Variants in AR observed in about 807,000 individuals in gnomAD.
AR encodes the protein dihydrotestosterone receptor.
AR carries 8 observed loss-of-function variants against 53.9 expected under a neutral mutation model. The ratio of observed to expected loss-of-function variants is 0.15; its 90% CI spans 0.09 to 0.27. AR has a LOEUF of 0.27. Ranked by LOEUF, AR falls within the 10% of genes least tolerant of loss-of-function variation. AR has a pLI of 1.00. For missense variants in AR, 639 were observed against 742.5 expected (o/e 0.86, Z 1.62); for synonymous variants, 359 against 316.4 (o/e 1.13, Z -1.43).
In AR at chrX:67,566,333, C is replaced by T. The variant is rs943785892; in HGVS notation, c.1616+19571C>T. Among the ~76,000 whole-genome samples, 4 of 111,831 alleles carry T rather than the reference C, an allele frequency of 3.6e-5. No individual in the cohort carries two copies. The Admixed American group carries it at 3.8e-4, about 11-fold the overall frequency. On this transcript the variant is annotated intron_variant, in intron 1 of 7. Coordinates refer to ENST00000374690, the MANE Select transcript of AR (RefSeq NM_000044.6). ...TCTCACAGACTGGGGACTGACATCT[C>T]AGTAGTAAACATATGAACAGCAACT...
Position 67,545,316 on chromosome X carries a change from T to TGCAGGAGCAGCA in AR, c.174_175insGAGCAGCAGCAG (p.Gln58_Gln59insGluGlnGlnGln). 1 of 1,014,029 alleles carries TGCAGGAGCAGCA rather than the reference T, an allele frequency of 9.9e-7. No homozygotes were observed. The highest frequency in any genetic ancestry group is 1.3e-6 in the Non-Finnish European group (1 of 758,062). The allele number at this position is 1,014,029 out of a possible 1,213,427, so 83.6% of individuals were successfully genotyped here. A position where few individuals can be genotyped will look rare whatever the true frequency, so the allele number is the denominator to read the frequency against. On this transcript the variant is annotated inframe_insertion, in exon 1 of 8. Coordinates refer to ENST00000374690, the MANE Select transcript of AR (RefSeq NM_000044.6). Reference sequence around the variant, plus strand: ...CCTCCCGGCGCCAGTTTGCTGCTGCTGCAGCAGCAGCAGCAGCAGCAGCAG... The same window carrying TGCAGGAGCAGCA: ...CCTCCCGGCGCCAGTTTGCTGCTGCTGCAGGAGCAGCAGCAGCAGCAGCAGCAGCAGCAGCAG...
intron 3 of AR, chrX:67,689,784 A>T: frequency 1.3e-6 from 1 of 766,166 alleles, no homozygotes. Flanking sequence ...AAAAGTCCAA[A>T]TGAGGACCTT....
chrX:67,694,991 T>G (rs1424215042), intron 3 of AR: 1 of 919,270 alleles, frequency 1.1e-6, no homozygotes, highest in Non-Finnish European at 1.3e-6. Context: ...GATTATTGTT[T>G]CCTGTAATGT....
At chrX:67,654,785 G>T (rs751126041) in intron 2 of AR, among the ~76,000 whole-genome samples, 2 of 103,325 alleles carry the variant, frequency 1.9e-5, no homozygotes, top group Admixed American at 2.2e-4. Context: ...AATTTTTAAA[G>T]CTCCTTTTCC....
At chrX:67,665,005 G>A (rs1189463517) in intron 2 of AR, among the ~76,000 whole-genome samples, 2 of 112,779 alleles carry the variant, frequency 1.8e-5, no homozygotes, top group South Asian at 3.7e-4. Flanking sequence ...TTTTCCAGGT[G>A]CCATCTGTCA....
chrX:67,598,926 G>C, intron 1 of AR, among the ~76,000 whole-genome samples: 1 of 111,234 alleles, frequency 9.0e-6, no homozygotes, highest in Non-Finnish European at 1.9e-5. Context: ...TCCTGAGGGA[G>C]CTATCTAGAT....
intron 1 of AR, among the ~76,000 whole-genome samples, chrX:67,591,338 G>GA (rs909654063): frequency 6.5e-5 from 7 of 107,477 alleles, no homozygotes; most frequent in African/African-American, 1.0e-4. Context: ...AAAAAGAAGT[G>GA]AAAAAAAAAG....
At chrX:67,577,004 CT>C (rs35442632) in intron 1 of AR, among the ~76,000 whole-genome samples, 1,554 of 90,756 alleles carry the variant, frequency 0.017, 29 homozygotes, top group African/African-American at 0.052. Context: ...CTCTCTCTCT[CT>C]TTTTTTTTTT....
chrX:67,634,603 A>G (rs1351107900), intron 1 of AR, among the ~76,000 whole-genome samples: 2 of 111,771 alleles, frequency 1.8e-5, no homozygotes, highest in South Asian at 3.8e-4. Flanking sequence ...TATGAACTAA[A>G]TTTCGGTAAT....
intron 1 of AR, among the ~76,000 whole-genome samples, chrX:67,623,725 C>G (rs1490497701): frequency 1.8e-5 from 2 of 110,036 alleles, no homozygotes; most frequent in Non-Finnish European, 3.8e-5. Flanking sequence ...ATCAACAAAA[C>G]TGAAAAAAAC....
chrX:67,664,851 A>T (rs765448930), intron 2 of AR, among the ~76,000 whole-genome samples: 58 of 112,402 alleles, frequency 5.2e-4, no homozygotes, highest in East Asian at 1.1e-3. Flanking sequence ...GCTGCCTTGC[A>T]GTTTGGTCTC....
intron 2 of AR, among the ~76,000 whole-genome samples, chrX:67,674,990 G>A (rs1200062371): frequency 9.0e-6 from 1 of 110,752 alleles, no homozygotes; most frequent in African/African-American, 3.3e-5. Flanking sequence ...AGGGCCCAAG[G>A]GCTCTTTAGT....
intron 1 of AR, among the ~76,000 whole-genome samples, chrX:67,616,802 A>G (rs1323147510): frequency 9.0e-6 from 1 of 111,319 alleles, no homozygotes; most frequent in Non-Finnish European, 1.9e-5. Context: ...AAAACTGTGA[A>G]CAAAACAAGC....
intron 2 of AR, among the ~76,000 whole-genome samples, chrX:67,674,173 CTCTCTT>C (rs2075884605): frequency 9.1e-6 from 1 of 109,570 alleles, no homozygotes; most frequent in African/African-American, 3.4e-5. Context: ...CTCTCTCTCT[CTCTCTT>C]TCTCTCTCTC....
chrX:67,626,797 C>T (rs190076274), intron 1 of AR, among the ~76,000 whole-genome samples: 262 of 76,303 alleles, frequency 3.4e-3, no homozygotes, highest in African/African-American at 9.5e-3. Flanking sequence ...CACCCCACAA[C>T]ATTCCCCAGA....
Position 67,545,567 on chromosome X carries a change from G to C in AR, c.421G>C (p.Ala141Pro), listed in dbSNP as rs865948546. Residue 141 changes from alanine to proline, a missense_variant, in exon 1 of 8, where the codon GCC becomes CCC. By Grantham distance (27) the Ala-to-Pro change is conservative. Around this residue, in one of 5 missense-constraint regions of AR, gnomAD observed 423 missense variants for 377.0 expected, o/e 1.12. Transcript: ENST00000374690. ...CVPEPGAAVA[A>P]SKGLPQQLPA... is the part of the protein sequence containing the mutation. Reference sequence around the variant, plus strand: ...CCCAGAGCCTGGAGCCGCCGTGGCCGCCAGCAAGGGGCTGCCGCAGCAGCT... The same window carrying C: ...CCCAGAGCCTGGAGCCGCCGTGGCCCCCAGCAAGGGGCTGCCGCAGCAGCT... The C allele has an allele frequency of 8.5e-7, 1 of 1,180,277 alleles. No homozygotes were observed. Among genetic ancestry groups the C allele is most frequent in the African/African-American group, 1.8e-5 (1 of 56,127 alleles).
At chrX:67,627,358 G>C (rs1329184941) in intron 1 of AR, among the ~76,000 whole-genome samples, 1 of 112,024 alleles carries the variant, frequency 8.9e-6, no homozygotes, top group Non-Finnish European at 1.9e-5. Flanking sequence ...TTGTGGTTTT[G>C]ATTTGCATTT....
rs1487587209 is a variant in AR at position 67,727,404 on chromosome X, G to A, written c.*3563G>A. ...TGAAAAATAATGTGCTGATGCTAGA[G>A]TCCCTCTCTGTCCATACTCTACTTC... On this transcript the variant is annotated 3_prime_UTR_variant, in exon 8 of 8. Coordinates refer to ENST00000374690, the MANE Select transcript of AR (RefSeq NM_000044.6). 5.9e-6 allele frequency: 1 copy of A among 169,976 alleles called. No homozygotes were observed. Among genetic ancestry groups the A allele is most frequent in the African/African-American group, 3.0e-5 (1 of 33,744 alleles). The allele number at this position is 169,976 out of a possible 1,213,427, so 14.0% of individuals were successfully genotyped here.
chrX:67,640,013 G>A (rs1925662171), intron 1 of AR, among the ~76,000 whole-genome samples: 1 of 111,574 alleles, frequency 9.0e-6, no homozygotes, highest in Non-Finnish European at 1.9e-5. Context: ...AGTTTATTGA[G>A]AGTTTGAGCA....
Sources: gnomAD v4.1 joint callset for allele counts (sites outside exome capture counted in the v4.1 genomes callset) on GRCh38, gnomAD v4.1.1 for gene constraint, gnomAD v4.1.1 regional missense constraint, MANE v1.5 for transcripts, NCBI Gene and HGNC (gene_info 2026-07-23, HGNC 2026-07-21) for gene names.